Variants in RPA1 observed in about 807,000 individuals in gnomAD.
The protein encoded by RPA1 is replication protein A 70 kDa DNA-binding subunit.
In RPA1, 49 loss-of-function variants were observed where a neutral mutation model predicts 83.0. That is an observed-to-expected ratio of 0.59 (90% confidence interval 0.47 to 0.75). The LOEUF is 0.75. Among genes scored for constraint, RPA1 ranks in the 30% least tolerant of loss-of-function variants. RPA1 has a pLI of 0.00. For synonymous variants in RPA1, 279 were observed against 281.8 expected, an observed-to-expected ratio of 0.99 and a Z score of 0.10; for missense variants, 693 against 776.1, an observed-to-expected ratio of 0.89 and a Z score of 1.27.
chr17:1,856,754 A>G (rs1912714965), intron 5 of RPA1, among the ~76,000 whole-genome samples: 1 of 151,236 alleles, frequency 6.6e-6, no homozygotes, highest in Non-Finnish European at 1.5e-5. Flanking sequence ...CTGGTCTCGA[A>G]CTCCTGCCCT....
rs1178847448 is a variant in RPA1 at position 1,844,627 on chromosome 17, G to A, written c.213G>A (p.Leu71=). Residue 71 remains leucine, a synonymous_variant, in exon 4 of 17, where the codon TTG becomes TTA. Coordinates refer to ENST00000254719, the MANE Select transcript of RPA1 (RefSeq NM_002945.5). ...ACCCTCTCGTGGAGGAAGAACAATTGTCCAGCAACTGTGTATGCCAGATTC... is the reference window on the plus strand; with the variant it reads ...ACCCTCTCGTGGAGGAAGAACAATTATCCAGCAACTGTGTATGCCAGATTC... ...QLNPLVEEEQ[L]SSNCVCQIHR... 1.2e-6 allele frequency: 2 copies of A among 1,613,710 alleles called. No individual in the cohort carries two copies. Among genetic ancestry groups the A allele is most frequent in the African/African-American group, 1.3e-5 (1 of 74,896 alleles).
intron 4 of RPA1, among the ~76,000 whole-genome samples, chr17:1,846,555 C>T (rs993144963): frequency 3.3e-5 from 5 of 151,894 alleles, no homozygotes; most frequent in East Asian, 3.9e-4. Flanking sequence ...CTCCTGACCT[C>T]GTGATCCACC....
intron 15 of RPA1, among the ~76,000 whole-genome samples, chr17:1,893,357 G>A (rs768988372): frequency 3.9e-5 from 6 of 152,284 alleles, no homozygotes; most frequent in Admixed American, 6.5e-5. Context: ...CGCACTCCAC[G>A]CCCCTCATCT....
At chr17:1,847,942 G>A (rs897966397) in intron 4 of RPA1, among the ~76,000 whole-genome samples, 1 of 151,686 alleles carries the variant, frequency 6.6e-6, no homozygotes, top group Non-Finnish European at 1.5e-5. Context: ...AGAATCGCTT[G>A]AACCCAAGAG....
At chr17:1,860,976 T>A (rs1376859924) in intron 5 of RPA1, among the ~76,000 whole-genome samples, 2 of 152,208 alleles carry the variant, frequency 1.3e-5, no homozygotes, top group Non-Finnish European at 2.9e-5. Flanking sequence ...AATCGAGACC[T>A]GACAGACTGT....
At chr17:1,894,291 C>T (rs1914312799) in intron 15 of RPA1, among the ~76,000 whole-genome samples, 1 of 151,952 alleles carries the variant, frequency 6.6e-6, no homozygotes, top group Non-Finnish European at 1.5e-5. Context: ...CTCAGCCTCC[C>T]TAGTACCTGG....
intron 5 of RPA1, among the ~76,000 whole-genome samples, chr17:1,855,686 G>A (rs190200231): frequency 6.6e-6 from 1 of 152,212 alleles, no homozygotes; most frequent in East Asian, 1.9e-4. Context: ...TTTGATACCT[G>A]AGTAACCCTG....
chr17:1,897,316 G>T lies in RPA1; in HGVS notation c.*141G>T, dbSNP rs140861771. 3 of 652,314 alleles carry T rather than the reference G, an allele frequency of 4.6e-6. No individual in the cohort carries two copies. The highest frequency in any genetic ancestry group is 7.9e-6 in the Non-Finnish European group (3 of 377,908). The allele number at this position is 652,314 out of a possible 1,614,324, so 40.4% of individuals were successfully genotyped here. On this transcript the variant is annotated 3_prime_UTR_variant, in exon 17 of 17. Coordinates refer to ENST00000254719, the MANE Select transcript of RPA1 (RefSeq NM_002945.5). ...GACTAAGCAATTTCCCCCCTCGTGC[G>T]CATCTCAGAACCCATCGGTAGGCAA...
chr17:1,873,209 C>T (rs1050839213), intron 6 of RPA1, among the ~76,000 whole-genome samples: 14 of 152,150 alleles, frequency 9.2e-5, no homozygotes, highest in African/African-American at 2.7e-4. Context: ...GGGTGTTTAT[C>T]GTTTGCTTGA....
Position 1,888,830 on chromosome 17 carries a change from C to G in RPA1, c.1530C>G (p.Phe510Leu), listed in dbSNP as rs369839528. 6 of 1,613,782 alleles carry G rather than the reference C, an allele frequency of 3.7e-6. No homozygotes were observed. The highest frequency in any genetic ancestry group is 4.2e-6 in the Non-Finnish European group (5 of 1,179,798). Residue 510 changes from phenylalanine (F) to leucine (L), a missense_variant, in exon 14 of 17, where the codon TTC becomes TTG. By Grantham distance (22) the Phe-to-Leu change is conservative. Coordinates refer to ENST00000254719, the MANE Select transcript of RPA1 (RefSeq NM_002945.5). ...AGTGCGACACCGAATTTCCCAATTT[C>G]AAGTACCGCATGATCCTGTCAGTAA... ...CEKCDTEFPN[F>L]KYRMILSVNI...
intron 1 of RPA1, 37 bp downstream of exon 1, chr17:1,830,163 G>A (rs1288368046): frequency 8.1e-7 from 1 of 1,235,746 alleles, no homozygotes; most frequent in East Asian, 3.2e-5. Flanking sequence ...GCGGTCCGGG[G>A]TGGCTGCGGC....
intron 5 of RPA1, among the ~76,000 whole-genome samples, chr17:1,855,755 G>T (rs1597433043): frequency 6.6e-6 from 1 of 151,916 alleles, no homozygotes. Flanking sequence ...AGCAGTTTAT[G>T]TAGACTTGGT....
intron 14 of RPA1, 66 bp from the exon 15 acceptor site, chr17:1,891,767 C>G: frequency 9.5e-7 from 1 of 1,055,554 alleles, no homozygotes; most frequent in Non-Finnish European, 1.4e-6. Context: ...ATTAACCTCT[C>G]CCCATCTTCT....
rs751426290 is a variant in RPA1, at chr17:1,879,549, A to G, written c.953-11A>G. 126 of 1,614,096 alleles carry G rather than the reference A, an allele frequency of 7.8e-5. 1 individual carries two copies. Among genetic ancestry groups the G allele is most frequent in the Non-Finnish European group, 9.8e-5 (116 of 1,180,046 alleles). ...TTGACCACCTCCTGCTAACACGTGC[A>G]TGTGTTTTAGACATCATCGGGATCT... On this transcript the variant is annotated splice_polypyrimidine_tract_variant and intron_variant, in intron 10 of 16. Transcript: ENST00000254719.
At chr17:1,837,329 T>C (rs536076582) in intron 1 of RPA1, among the ~76,000 whole-genome samples, 1 of 152,344 alleles carries the variant, frequency 6.6e-6, no homozygotes, top group Non-Finnish European at 1.5e-5. Flanking sequence ...TATGGCTCAG[T>C]AGTATTCCAT....
At chr17:1,866,309 CT>C (rs71150829) in intron 5 of RPA1, among the ~76,000 whole-genome samples, 56,128 of 150,002 alleles carry the variant, frequency 0.37, 12,280 homozygotes, top group Non-Finnish European at 0.52. Flanking sequence ...GCTTAGAGAT[CT>C]TTTTTTTTTC....
chr17:1,875,797 A>G lies in RPA1; in HGVS notation c.587+4A>G, dbSNP rs1555593385. 1.2e-6 allele frequency: 2 copies of G among 1,611,800 alleles called. No individual in the cohort carries two copies. The highest frequency in any genetic ancestry group is 1.7e-6 in the Non-Finnish European group (2 of 1,179,176). On this transcript the variant is annotated splice_donor_region_variant and intron_variant, in intron 7 of 16. Transcript: ENST00000254719. ...GCCTCACTCCTTACCAGTCCAAGTG[A>G]GTTGTTGCATAGAGTAAGTTCAGAG...
In RPA1 at chr17:1,865,616, G is replaced by C. The variant is rs868522849; in HGVS notation, c.362-6818G>C. On this transcript the variant is annotated intron_variant, in intron 5 of 16. Coordinates refer to ENST00000254719, the MANE Select transcript of RPA1 (RefSeq NM_002945.5). ...GAGAAATCTTACTCCTACCCTTGCCGCCCCTGCCACCCACTGCTGCCCTCT... is the reference window on the plus strand; with the variant it reads ...GAGAAATCTTACTCCTACCCTTGCCCCCCCTGCCACCCACTGCTGCCCTCT... 6.6e-5 allele frequency among the ~76,000 whole-genome samples: 10 copies of C among 152,096 alleles called. No individual in the cohort carries two copies. The South Asian group carries it at 1.7e-3, about 25-fold the overall frequency.
At chr17:1,895,982 C>T (rs1179815748) in intron 16 of RPA1, among the ~76,000 whole-genome samples, 3 of 151,960 alleles carry the variant, frequency 2.0e-5, no homozygotes, top group Non-Finnish European at 4.4e-5. Context: ...CCGCGCCCAG[C>T]TTAGTTATAG....
Sources: gnomAD v4.1 joint callset for allele counts (sites outside exome capture counted in the v4.1 genomes callset) on GRCh38, gnomAD v4.1.1 for gene constraint, MANE v1.5 for transcripts, NCBI Gene and HGNC (gene_info 2026-07-23, HGNC 2026-07-21) for gene names.